The following CDK14 variants were observed in gnomAD, a reference collection of about 807,000 sequenced individuals.
The protein encoded by CDK14 is cyclin dependent kinase 14, also known as cyclin-dependent kinase 14.
In CDK14, 34 loss-of-function variants were observed where a neutral mutation model predicts 60.7. The ratio of observed to expected loss-of-function variants is 0.56; its 90% CI spans 0.43 to 0.75. CDK14 has a LOEUF of 0.75. CDK14 is among the 30% of genes least tolerant of loss of function. The probability of loss-of-function intolerance (pLI) is 0.00; values close to 1 mark genes in which losing one functional copy is unlikely to be tolerated. For missense variants in CDK14, 482 were observed against 564.1 expected (o/e 0.85, Z 1.47); for synonymous variants, 197 against 203.7 (o/e 0.97, Z 0.28).
intron 8 of CDK14, among the ~76,000 whole-genome samples, chr7:90,945,481 T>C (rs1794073971): frequency 6.6e-6 from 1 of 152,158 alleles, no homozygotes; most frequent in Non-Finnish European, 1.5e-5. Context: ...ATTTCACTAC[T>C]CCTCCGGGGA....
At chr7:90,882,348 G>T (rs1251498653) in intron 6 of CDK14, among the ~76,000 whole-genome samples, 1 of 149,802 alleles carries the variant, frequency 6.7e-6, no homozygotes, top group Non-Finnish European at 1.5e-5. Context: ...AGACAAAGAA[G>T]AGCATTACAC....
At chr7:91,016,121 T>C (rs993303720) in intron 10 of CDK14, among the ~76,000 whole-genome samples, 9 of 152,186 alleles carry the variant, frequency 5.9e-5, no homozygotes, top group African/African-American at 2.2e-4. Context: ...TGGAGCTACA[T>C]AGAGCTGCCC....
intron 10 of CDK14, among the ~76,000 whole-genome samples, chr7:91,014,805 C>T (rs1796255675): frequency 6.6e-6 from 1 of 152,154 alleles, no homozygotes; most frequent in South Asian, 2.1e-4. Flanking sequence ...GGTGAGGAGC[C>T]TGAGTGTCCA....
At chr7:90,711,261 C>G (rs1802049494) in intron 2 of CDK14, among the ~76,000 whole-genome samples, 1 of 152,010 alleles carries the variant, frequency 6.6e-6, no homozygotes, top group African/African-American at 2.4e-5. Flanking sequence ...TGGTGCAGTG[C>G]TTCTGTATTC....
At chr7:90,939,773 G>A (rs1793860687) in intron 8 of CDK14, among the ~76,000 whole-genome samples, 2 of 152,216 alleles carry the variant, frequency 1.3e-5, no homozygotes, top group Non-Finnish European at 1.5e-5. Flanking sequence ...GTGCATGCAA[G>A]CCTATCCCAG....
intron 3 of CDK14, among the ~76,000 whole-genome samples, chr7:90,740,174 C>T (rs1483952822): frequency 7.3e-5 from 11 of 150,718 alleles, no homozygotes; most frequent in South Asian, 2.1e-4. Context: ...TCTTCTCCTC[C>T]GTTTCTTTCT....
At chr7:90,634,663 G>A (rs1379780736) in intron 2 of CDK14, among the ~76,000 whole-genome samples, 1 of 151,938 alleles carries the variant, frequency 6.6e-6, no homozygotes, top group African/African-American at 2.4e-5. Flanking sequence ...TGGGATGGCT[G>A]GGTCAAATGG....
In CDK14 at chr7:91,046,877, C is replaced by G. The variant is rs149089104; in HGVS notation, c.1105+917C>G. Among the ~76,000 whole-genome samples the G allele has an allele frequency of 6.6e-5, 10 of 152,226 alleles. No individual in the cohort carries two copies. The East Asian group carries it at 1.9e-3, about 29-fold the overall frequency. On this transcript the variant is annotated intron_variant, in intron 11 of 14. Coordinates refer to ENST00000380050, the MANE Select transcript of CDK14 (RefSeq NM_001287135.2). The stretch of plus-strand genomic sequence containing the variant: ...CTTCTCTTCCCCTCTTTTGGGGAAC[C>G]ATCAGGAATAAATTATCAGTTCCAA...
chr7:91,172,543 C>A (rs1801555918), intron 14 of CDK14, among the ~76,000 whole-genome samples: 3 of 152,178 alleles, frequency 2.0e-5, no homozygotes. Flanking sequence ...CAGTCACTTC[C>A]TGATTAGAAA....
chr7:91,181,896 C>T (rs1802014110), intron 14 of CDK14, among the ~76,000 whole-genome samples: 2 of 152,112 alleles, frequency 1.3e-5, no homozygotes, highest in Non-Finnish European at 2.9e-5. Flanking sequence ...TCATTGTCTA[C>T]AAATTGTGAG....
At chr7:91,171,949 T>C (rs1340059432) in intron 14 of CDK14, among the ~76,000 whole-genome samples, 8 of 152,194 alleles carry the variant, frequency 5.3e-5, no homozygotes, top group African/African-American at 1.9e-4. Context: ...CCATATTTAG[T>C]GCTGTCTTTT....
chr7:90,635,746 T>C (rs1198422013), intron 2 of CDK14, among the ~76,000 whole-genome samples: 4 of 152,162 alleles, frequency 2.6e-5, no homozygotes, highest in Non-Finnish European at 5.9e-5. Flanking sequence ...TTTCACGATA[T>C]TGATTCTTCC....
intron 5 of CDK14, among the ~76,000 whole-genome samples, chr7:90,821,726 C>T (rs1789558231): frequency 6.6e-6 from 1 of 152,178 alleles, no homozygotes; most frequent in Admixed American, 6.5e-5. Context: ...GGTGTATTCC[C>T]TATACTGCTT....
chr7:90,914,919 G>A lies in CDK14; in HGVS notation c.703-2682G>A, dbSNP rs945250392. On this transcript the variant is annotated intron_variant, in intron 7 of 14. Coordinates refer to ENST00000380050, the MANE Select transcript of CDK14 (RefSeq NM_001287135.2). ...GGTGTAGGAGTACCACCTATTACCCGAGTATATAAAGATAGTTAAAGCAGA... is the reference window on the plus strand; with the variant it reads ...GGTGTAGGAGTACCACCTATTACCCAAGTATATAAAGATAGTTAAAGCAGA... 6.7e-4 allele frequency among the ~76,000 whole-genome samples: 102 copies of A among 152,088 alleles called. 1 individual carries two copies. The highest frequency in any genetic ancestry group is 2.4e-3 in the African/African-American group (100 of 41,408).
intron 10 of CDK14, among the ~76,000 whole-genome samples, chr7:91,039,152 G>T (rs1240171694): frequency 6.6e-6 from 1 of 152,090 alleles, no homozygotes; most frequent in Non-Finnish European, 1.5e-5. Flanking sequence ...CAGTTTTAAG[G>T]CTTCATTTTC....
intron 10 of CDK14, among the ~76,000 whole-genome samples, chr7:91,036,489 A>G (rs2115971795): frequency 6.6e-6 from 1 of 152,078 alleles, no homozygotes; most frequent in South Asian, 2.1e-4. Context: ...GTTATACCAA[A>G]TGTGCCTGTC....
At chr7:90,658,811 A>G (rs1220178069) in intron 2 of CDK14, among the ~76,000 whole-genome samples, 1 of 152,170 alleles carries the variant, frequency 6.6e-6, no homozygotes, top group South Asian at 2.1e-4. Flanking sequence ...GTTTGGGTAT[A>G]TACCTAAGAG....
intron 10 of CDK14, among the ~76,000 whole-genome samples, 191 bp downstream of exon 10, chr7:90,984,432 A>C (rs1225136202): frequency 1.3e-5 from 2 of 152,238 alleles, no homozygotes; most frequent in African/African-American, 4.8e-5. Context: ...CTGTACGTGA[A>C]TAACATGTCA....
chr7:91,098,729 T>C (rs554595515), intron 12 of CDK14, among the ~76,000 whole-genome samples: 3 of 152,158 alleles, frequency 2.0e-5, no homozygotes, highest in Non-Finnish European at 4.4e-5. Context: ...ATTTTTCTTC[T>C]TTTTATCATG....
Sources: allele counts gnomAD v4.1 joint callset (sites outside exome capture counted in the v4.1 genomes callset), GRCh38; gene constraint gnomAD v4.1.1; transcripts MANE v1.5; gene names NCBI Gene and HGNC (gene_info 2026-07-23, HGNC 2026-07-21).